CCDC178: variants seen among roughly 807,000 people sequenced by gnomAD.
CCDC178 encodes coiled-coil domain-containing protein 178.
A neutral mutation model predicts 117.4 loss-of-function variants in CCDC178; 126 were observed. The observed-to-expected ratio is 1.07, with a 90% CI of 0.93 to 1.24. The LOEUF (loss-of-function observed/expected upper bound fraction) is 1.24. Ranked by LOEUF, CCDC178 falls within the 50% of genes most tolerant of loss-of-function variation. The pLI is 0.00. For missense variants in CCDC178, 1,030 were observed against 986.9 expected, an observed-to-expected ratio of 1.04 and a Z score of -0.59; for synonymous variants, 283 against 313.4, an observed-to-expected ratio of 0.90 and a Z score of 1.02.
At chr18:33,380,211 T>C (rs540387304) in intron 5 of CCDC178, among the ~76,000 whole-genome samples, 7 of 152,296 alleles carry the variant, frequency 4.6e-5, no homozygotes, top group Admixed American at 2.0e-4. Flanking sequence ...TGGACTGTGG[T>C]AGCTCTGCTC....
intron 22 of CCDC178, among the ~76,000 whole-genome samples, chr18:32,966,954 C>G (rs1009262052): frequency 7.3e-5 from 11 of 151,668 alleles, no homozygotes; most frequent in Admixed American, 5.3e-4. Flanking sequence ...CTTATTAATT[C>G]TAAAGTTTTT....
intron 20 of CCDC178, among the ~76,000 whole-genome samples, chr18:33,143,992 C>G (rs886838152): frequency 2.6e-5 from 4 of 151,956 alleles, no homozygotes; most frequent in Non-Finnish European, 5.9e-5. Context: ...CATAAACATG[C>G]CATAAATTTA....
chr18:33,330,551 G>C (rs1336641479), intron 10 of CCDC178, among the ~76,000 whole-genome samples: 1 of 152,166 alleles, frequency 6.6e-6, no homozygotes, highest in African/African-American at 2.4e-5. Context: ...TGAAATAAAA[G>C]AAGGGCAGTC....
chr18:32,954,394 A>G (rs2054551052), intron 22 of CCDC178: 1 of 152,164 alleles, frequency 6.6e-6, no homozygotes, highest in African/African-American at 2.4e-5. Flanking sequence ...TTGTAGGTAT[A>G]TATCATAAAA....
intron 21 of CCDC178, among the ~76,000 whole-genome samples, chr18:33,023,381 GT>G (rs1207095331): frequency 6.6e-6 from 1 of 152,146 alleles, no homozygotes; most frequent in Admixed American, 6.5e-5. Flanking sequence ...CATACAGAAT[GT>G]TTTCTTCAAC....
At chr18:33,435,335 A>G (rs2064274029) in intron 2 of CCDC178, among the ~76,000 whole-genome samples, 1 of 152,192 alleles carries the variant, frequency 6.6e-6, no homozygotes. Context: ...CTACTGCATC[A>G]TAGCACAGTT....
In CCDC178 at chr18:33,038,791, G is replaced by C. The variant is rs561124317; in HGVS notation, c.2388+53970C>G. ...ATCTTAAGACAACTTAAATGTAGAC[G>C]AAGTGACAATAGGACTCCCATTCAC... On this transcript the variant is annotated intron_variant, in intron 21 of 22. Coordinates refer to ENST00000383096, the MANE Select transcript of CCDC178 (RefSeq NM_001105528.4). Among the ~76,000 whole-genome samples the C allele has an allele frequency of 1.5e-3, 230 of 152,050 alleles. 1 individual carries two copies. The highest frequency in any genetic ancestry group is 6.8e-3 in the Middle Eastern group (2 of 294).
chr18:33,267,178 G>A (rs1439567070), intron 13 of CCDC178, 24 bp downstream of exon 13: 2 of 1,557,294 alleles, frequency 1.3e-6, no homozygotes, highest in Non-Finnish European at 1.7e-6. Flanking sequence ...GTTCTAAGTG[G>A]GAAGTAGGAA....
chr18:33,257,092 A>G (rs879022313), intron 14 of CCDC178, among the ~76,000 whole-genome samples: 1 of 151,900 alleles, frequency 6.6e-6, no homozygotes, highest in Non-Finnish European at 1.5e-5. Context: ...TTCATTTTTA[A>G]AAGCCTTACT....
intron 21 of CCDC178, among the ~76,000 whole-genome samples, chr18:33,018,812 G>A (rs1168953975): frequency 6.6e-6 from 1 of 152,054 alleles, no homozygotes; most frequent in Non-Finnish European, 1.5e-5. Context: ...AGTTAGTGGT[G>A]ATGGTTGTAC....
chr18:33,085,145 CACT>C (rs1051720632), intron 21 of CCDC178, among the ~76,000 whole-genome samples: 7 of 152,120 alleles, frequency 4.6e-5, no homozygotes, highest in African/African-American at 1.7e-4. Flanking sequence ...CATATAATCA[CACT>C]ACAATTTGAT....
chr18:33,001,370 G>A (rs1175857187), intron 21 of CCDC178, among the ~76,000 whole-genome samples: 4 of 151,552 alleles, frequency 2.6e-5, no homozygotes, highest in Admixed American at 6.6e-5. Context: ...AAAATTAGCC[G>A]GATGTGGTGG....
In CCDC178 at chr18:33,333,380, A is replaced by C; in HGVS notation, c.673T>G (p.Leu225Val). ...LAVQKEHEAY[L>V]SDVIELQWHL... ...CATTGTAATTCTATAACATCACTCA[A>C]ATAGGCCTCATGTTCTAGATATAGA... Residue 225 changes from leucine (L) to valine (V), a missense_variant, in exon 10 of 23, where the codon TTG (leucine) becomes GTG (valine). Physicochemically the swap from Leu to Val is conservative, Grantham distance 32. Coordinates refer to ENST00000383096, the MANE Select transcript of CCDC178 (RefSeq NM_001105528.4). The C allele has an allele frequency of 1.9e-6, 3 of 1,596,222 alleles. No individual in the cohort carries two copies. Among genetic ancestry groups the C allele is most frequent in the South Asian group, 1.1e-5 (1 of 90,346 alleles).
chr18:32,991,117 G>A (rs1354319237), intron 21 of CCDC178, among the ~76,000 whole-genome samples: 1 of 150,624 alleles, frequency 6.6e-6, no homozygotes, highest in African/African-American at 2.5e-5. Flanking sequence ...ACATAAAATG[G>A]GGGCTATTAT....
intron 14 of CCDC178, among the ~76,000 whole-genome samples, chr18:33,264,931 A>T (rs1162352916): frequency 6.6e-6 from 1 of 152,066 alleles, no homozygotes; most frequent in Non-Finnish European, 1.5e-5. Flanking sequence ...GAATAATCTA[A>T]TAAGTGCCTG....
chr18:33,328,187 C>T (rs575988034), intron 10 of CCDC178: 35 of 271,042 alleles, frequency 1.3e-4, no homozygotes, highest in South Asian at 1.0e-3. Context: ...CTGCAACCCC[C>T]GCCCCACCGG....
Position 33,209,390 on chromosome 18 carries a change from T to A in CCDC178, c.2238+2506A>T, listed in dbSNP as rs1259956886. On this transcript the variant is annotated intron_variant, in intron 20 of 22. Coordinates refer to ENST00000383096, the MANE Select transcript of CCDC178 (RefSeq NM_001105528.4). The stretch of plus-strand genomic sequence containing the variant: ...GTTTTCTCATATTCTCCATTAACTC[T>A]TGTGACTTTTATGAAGTATTTTATT... Among the ~76,000 whole-genome samples the A allele has an allele frequency of 3.9e-5, 6 of 152,058 alleles. No homozygotes were observed. The East Asian group carries it at 1.2e-3, about 29-fold the overall frequency.
At chr18:33,262,695 G>C (rs1455056452) in intron 14 of CCDC178, among the ~76,000 whole-genome samples, 1 of 151,912 alleles carries the variant, frequency 6.6e-6, no homozygotes, top group Non-Finnish European at 1.5e-5. Context: ...CTTTCTCTAA[G>C]CTTCAGCCAC....
At chr18:33,029,577 T>G (rs970280161) in intron 21 of CCDC178, among the ~76,000 whole-genome samples, 2 of 152,000 alleles carry the variant, frequency 1.3e-5, no homozygotes, top group Non-Finnish European at 2.9e-5. Flanking sequence ...ATTACTGGTG[T>G]TGTAAGACAG....
Sources: allele counts gnomAD v4.1 joint callset (sites outside exome capture counted in the v4.1 genomes callset), GRCh38; gene constraint gnomAD v4.1.1; transcripts MANE v1.5; gene names NCBI Gene and HGNC (gene_info 2026-07-23, HGNC 2026-07-21).